Variants in WWOX observed in about 807,000 individuals in gnomAD.
WWOX encodes the protein WW domain-containing oxidoreductase.
In WWOX, 69 loss-of-function variants were observed where a neutral mutation model predicts 46.2. That is an observed-to-expected ratio of 1.49 (90% CI 1.23 to 1.82). The LOEUF (loss-of-function observed/expected upper bound fraction) is 1.82. Among genes scored for constraint, WWOX ranks in the 40% most tolerant of loss-of-function variants. The probability of loss-of-function intolerance (pLI) is 0.00; values close to 1 mark genes in which losing one functional copy is unlikely to be tolerated. For missense variants in WWOX, 919 were observed against 542.6 expected (o/e 1.69, Z -6.89); for synonymous variants, 359 against 202.6 (o/e 1.77, Z -6.56).
intron 4 of WWOX, among the ~76,000 whole-genome samples, chr16:78,144,462 T>TATATATATATAC (rs1555543063): frequency 4.2e-4 from 10 of 23,630 alleles, no homozygotes; most frequent in South Asian, 1.4e-3. Context: ...TATATATATA[T>TATATATATATAC]ACACACATAT....
chr16:78,586,073 T>A (rs2045197920), intron 8 of WWOX, among the ~76,000 whole-genome samples: 1 of 151,928 alleles, frequency 6.6e-6, no homozygotes, highest in East Asian at 1.9e-4. Context: ...CAAACAAAAT[T>A]AGGCCAGGTG....
chr16:78,761,262 C>G (rs908833123), intron 8 of WWOX, among the ~76,000 whole-genome samples: 1 of 152,162 alleles, frequency 6.6e-6, no homozygotes, highest in Non-Finnish European at 1.5e-5. Flanking sequence ...CAAAAGAGTT[C>G]AGAAAGCACG....
At chr16:79,031,175 C>T (rs569987686) in intron 8 of WWOX, among the ~76,000 whole-genome samples, 17 of 151,860 alleles carry the variant, frequency 1.1e-4, no homozygotes, top group South Asian at 4.2e-4. Flanking sequence ...TTATGATATG[C>T]GGAAGCCTTC....
chr16:78,171,568 G>A (rs930643933), intron 5 of WWOX, among the ~76,000 whole-genome samples: 3 of 152,046 alleles, frequency 2.0e-5, no homozygotes, highest in Non-Finnish European at 2.9e-5. Context: ...ATTCGTCAAC[G>A]CATCACAAGT....
At chr16:78,172,108 C>T (rs767270805) in intron 5 of WWOX, among the ~76,000 whole-genome samples, 2 of 152,048 alleles carry the variant, frequency 1.3e-5, no homozygotes, top group Non-Finnish European at 2.9e-5. Flanking sequence ...TGGGTGATGC[C>T]GGAAGATTGG....
At chr16:78,472,825 A>G (rs976425017) in intron 8 of WWOX, among the ~76,000 whole-genome samples, 1 of 150,764 alleles carries the variant, frequency 6.6e-6, no homozygotes, top group Non-Finnish European at 1.5e-5. Flanking sequence ...AAAAAAAAAA[A>G]AAAAAAAAAA....
At chr16:78,500,559 C>A (rs147110548) in intron 8 of WWOX, among the ~76,000 whole-genome samples, 1 of 152,198 alleles carries the variant, frequency 6.6e-6, no homozygotes, top group African/African-American at 2.4e-5. Flanking sequence ...GCTGCTGGAA[C>A]ACCTGGCTGA....
At chr16:78,967,938 A>AC (rs1467476052) in intron 8 of WWOX, among the ~76,000 whole-genome samples, 11 of 152,068 alleles carry the variant, frequency 7.2e-5, no homozygotes, top group Non-Finnish European at 1.2e-4. Flanking sequence ...TCCTTTCCTC[A>AC]CCCCCAGTTC....
At chr16:78,194,725 C>T (rs192153376) in intron 5 of WWOX, among the ~76,000 whole-genome samples, 13 of 152,250 alleles carry the variant, frequency 8.5e-5, no homozygotes, top group African/African-American at 2.9e-4. Flanking sequence ...CCCCCAACCC[C>T]AAACCCCTAC....
intron 8 of WWOX, among the ~76,000 whole-genome samples, chr16:78,807,352 A>T (rs1045392727): frequency 9.9e-5 from 15 of 152,246 alleles, no homozygotes; most frequent in Non-Finnish European, 1.9e-4. Context: ...AATCTAAAAC[A>T]AGAGGACCAG....
chr16:78,933,892 A>T (rs2045677786), intron 8 of WWOX, among the ~76,000 whole-genome samples: 1 of 150,716 alleles, frequency 6.6e-6, no homozygotes, highest in Non-Finnish European at 1.5e-5. Flanking sequence ...CAGCTAAACC[A>T]TATCAAAACA....
intron 8 of WWOX, among the ~76,000 whole-genome samples, chr16:78,979,493 G>A (rs536702879): frequency 6.6e-6 from 1 of 152,202 alleles, no homozygotes; most frequent in South Asian, 2.1e-4. Flanking sequence ...ATTTTGCTCA[G>A]GACTGAATTA....
chr16:78,737,307 A>AT (rs1189955769), intron 8 of WWOX, among the ~76,000 whole-genome samples: 6 of 145,560 alleles, frequency 4.1e-5, no homozygotes, highest in Non-Finnish European at 7.5e-5. Flanking sequence ...TATAATATAT[A>AT]TATTTTTTAG....
chr16:78,118,097 G>T (rs551212912), intron 4 of WWOX, among the ~76,000 whole-genome samples: 4 of 150,110 alleles, frequency 2.7e-5, no homozygotes, highest in Non-Finnish European at 5.9e-5. Context: ...ATTGCCATTG[G>T]TGAGGATCTC....
intron 5 of WWOX, among the ~76,000 whole-genome samples, chr16:78,305,866 TC>T (rs1166933024): frequency 6.6e-6 from 1 of 152,174 alleles, no homozygotes; most frequent in Non-Finnish European, 1.5e-5. Context: ...TTTTTCTTTT[TC>T]TTTTTTTTGG....
chr16:78,610,569 T>C (rs1480751197), intron 8 of WWOX, among the ~76,000 whole-genome samples: 1 of 152,130 alleles, frequency 6.6e-6, no homozygotes, highest in Non-Finnish European at 1.5e-5. Flanking sequence ...CTTGAAAAAA[T>C]TGCTCAGTGC....
intron 8 of WWOX, among the ~76,000 whole-genome samples, chr16:79,030,128 C>G (rs553917428): frequency 1.1e-4 from 17 of 152,196 alleles, no homozygotes; most frequent in African/African-American, 4.1e-4. Context: ...TTATTGTTCA[C>G]CAGAATTTTA....
At chr16:78,983,041 A>T (rs2046713645) in intron 8 of WWOX, among the ~76,000 whole-genome samples, 1 of 152,118 alleles carries the variant, frequency 6.6e-6, no homozygotes, top group Non-Finnish European at 1.5e-5. Context: ...TGAAGTATTT[A>T]TTGTGGGTCT....
chr16:78,746,970 C>T (rs1435983589), intron 8 of WWOX, among the ~76,000 whole-genome samples: 1 of 152,120 alleles, frequency 6.6e-6, no homozygotes, highest in Non-Finnish European at 1.5e-5. Flanking sequence ...AAAATACACG[C>T]TCTTTTCCAG....
Sources: allele counts gnomAD v4.1 joint callset (sites outside exome capture counted in the v4.1 genomes callset), GRCh38; gene constraint gnomAD v4.1.1; transcripts MANE v1.5; gene names NCBI Gene and HGNC (gene_info 2026-07-23, HGNC 2026-07-21).